The following ZC3H13 variants were observed in gnomAD, a reference collection of about 807,000 sequenced individuals.
The protein encoded by ZC3H13 is zinc finger CCCH domain-containing protein 13.
Under a neutral mutation model 204.1 loss-of-function variants are expected in ZC3H13, and 64 were observed. The observed-to-expected ratio is 0.31, with a 90% CI of 0.26 to 0.39. The LOEUF (loss-of-function observed/expected upper bound fraction) is 0.39, where lower values mean the gene tolerates loss of function less well. ZC3H13 is among the 10% of genes least tolerant of loss of function. The pLI, the probability that ZC3H13 is intolerant of heterozygous loss-of-function variation, is 1.00. For synonymous variants in ZC3H13, 667 were observed against 693.7 expected, an observed-to-expected ratio of 0.96 and a Z score of 0.60; for missense variants, 1,833 against 2,082.7, an observed-to-expected ratio of 0.88 and a Z score of 2.33.
At position 46,052,465 on chromosome 13, in the gene ZC3H13, G is replaced by A. The variant is rs2044545865; in HGVS notation, c.-71C>T. On this transcript the variant is annotated 5_prime_UTR_variant, in exon 1 of 19. Coordinates refer to ENST00000679008, the MANE Select transcript of ZC3H13 (RefSeq NM_001330564.2). ...GGCACCACCGCCGCCGCCGCTCCGA[G>A]GAGCGGGGGAGGCGACTCTGTCCCC... is the stretch of plus-strand genomic sequence containing the variant. 2.5e-6 allele frequency: 1 copy of A among 398,352 alleles called. No homozygotes were observed. The highest frequency in any genetic ancestry group is 4.4e-6 in the Non-Finnish European group (1 of 226,036). 24.7% of individuals were successfully genotyped at this position (398,352 alleles called of 1,614,324 possible). A position where few individuals can be genotyped will look rare whatever the true frequency, so the allele number is the denominator to read the frequency against.
chr13:46,042,937 T>C (rs1466630115), intron 3 of ZC3H13, among the ~76,000 whole-genome samples: 1 of 152,024 alleles, frequency 6.6e-6, no homozygotes, highest in Non-Finnish European at 1.5e-5. Context: ...TATTCTGCTG[T>C]AAATTTTTTA....
intron 5 of ZC3H13, among the ~76,000 whole-genome samples, chr13:46,014,047 T>C (rs984378014): frequency 1.3e-5 from 2 of 152,188 alleles, no homozygotes; most frequent in African/African-American, 4.8e-5. Context: ...AAGGACATAC[T>C]CATTCTCTGG....
intron 4 of ZC3H13, 95 bp downstream of exon 4, chr13:46,042,069 A>G: frequency 1.0e-6 from 1 of 961,064 alleles, no homozygotes; most frequent in Non-Finnish European, 1.6e-6. Flanking sequence ...CGTATTACAC[A>G]TTTACCATAT....
chr13:46,042,771 C>G (rs966362558), intron 3 of ZC3H13, among the ~76,000 whole-genome samples: 3 of 151,842 alleles, frequency 2.0e-5, no homozygotes, highest in African/African-American at 7.3e-5. Flanking sequence ...ATACACATGC[C>G]TGTGGTTGGA....
At chr13:46,050,311 G>T (rs1566380096) in intron 1 of ZC3H13, among the ~76,000 whole-genome samples, 1 of 151,928 alleles carries the variant, frequency 6.6e-6, no homozygotes, top group East Asian at 1.9e-4. Context: ...GTCTCTTTTT[G>T]AATAATGACT....
intron 4 of ZC3H13, among the ~76,000 whole-genome samples, chr13:46,032,146 C>T (rs2042936168): frequency 6.6e-6 from 1 of 152,152 alleles, no homozygotes; most frequent in South Asian, 2.1e-4. Context: ...TGGTGTGAGA[C>T]ACTGATAGTG....
chr13:45,954,528 A>G lies in ZC3H13; in HGVS notation c.*2599T>C, dbSNP rs374569540. 6.6e-6 allele frequency: 1 copy of G among 152,246 alleles called. No individual in the cohort carries two copies. The highest frequency in any genetic ancestry group is 2.4e-5 in the African/African-American group (1 of 41,470). 9.4% of individuals were successfully genotyped at this position (152,246 alleles called of 1,614,324 possible). ...AAAATGATAAAATAAGGCAAGTCCT[A>G]GATCAGATTTAAATACAATATTTAG... On this transcript the variant is annotated 3_prime_UTR_variant, in exon 19 of 19. Coordinates refer to ENST00000679008, the MANE Select transcript of ZC3H13 (RefSeq NM_001330564.2).
At chr13:45,996,031 G>A (rs1193198085) in intron 8 of ZC3H13, among the ~76,000 whole-genome samples, 5 of 152,158 alleles carry the variant, frequency 3.3e-5, no homozygotes, top group Non-Finnish European at 5.9e-5. Flanking sequence ...GAATCATACT[G>A]AAACCAAAAT....
intron 17 of ZC3H13, chr13:45,962,495 A>T (rs1951761375): frequency 2.0e-6 from 2 of 983,690 alleles, no homozygotes; most frequent in Non-Finnish European, 2.4e-6. Flanking sequence ...CACAGGAGTT[A>T]TTTGCTTAAG....
chr13:46,019,186 G>A (rs1166728106), intron 5 of ZC3H13, among the ~76,000 whole-genome samples: 1 of 152,134 alleles, frequency 6.6e-6, no homozygotes. Flanking sequence ...CTTTACAACT[G>A]TTAGTCTATT....
chr13:46,027,647 T>A (rs2042621115), intron 4 of ZC3H13, among the ~76,000 whole-genome samples: 2 of 152,012 alleles, frequency 1.3e-5, no homozygotes, highest in South Asian at 4.1e-4. Flanking sequence ...GAGCAGAAAA[T>A]CTAAATGCAT....
In ZC3H13 at chr13:45,969,079, G is replaced by A. The variant is rs768778849; in HGVS notation, c.3465C>T (p.Asp1155=). The A allele has an allele frequency of 6.2e-7, 1 of 1,614,184 alleles. No individual in the cohort carries two copies. Among genetic ancestry groups the A allele is most frequent in the Non-Finnish European group, 8.5e-7 (1 of 1,180,026 alleles). ...NTTNNTFANE[D]SHRKCHRTRV... ...GTGTTCTGTGGCATTTTCTGTGTGA[G>A]TCTTCATTGGCAAAAGTATTATTGG... Residue 1155 remains aspartate, a synonymous_variant, in exon 14 of 19, where the codon GAC becomes GAT. Transcript: ENST00000679008.
rs189178713 is a variant in ZC3H13 at position 46,050,028 on chromosome 13, T to C, written c.-10+2376A>G. The stretch of plus-strand genomic sequence containing the variant: ...AGCATTATCAAAGACAGAGTGGCAC[T>C]AGTGAAAGCCTATTTCGTTATTTTC... On this transcript the variant is annotated intron_variant, in intron 1 of 18. Transcript: ENST00000679008. Among the ~76,000 whole-genome samples the C allele has an allele frequency of 1.6e-3, 251 of 152,270 alleles. 4 individuals are homozygous for C. The highest frequency in any genetic ancestry group is 0.014 in the Admixed American group (209 of 15,304).
At chr13:46,038,910 T>A (rs982199661) in intron 4 of ZC3H13, among the ~76,000 whole-genome samples, 12 of 152,176 alleles carry the variant, frequency 7.9e-5, no homozygotes, top group African/African-American at 2.9e-4. Context: ...TAATCTCAGC[T>A]ACTTGGGAGG....
chr13:46,008,971 A>G (rs1029760824), intron 7 of ZC3H13, among the ~76,000 whole-genome samples: 1 of 152,178 alleles, frequency 6.6e-6, no homozygotes, highest in Non-Finnish European at 1.5e-5. Context: ...ATGAGAAGAC[A>G]GAACTATGAA....
In ZC3H13 at chr13:45,985,608, A is replaced by G; in HGVS notation, c.1409T>C (p.Leu470Pro). The part of the protein sequence containing the change: ...DARDTRDRRE[L>P]RDSRDMRDSR... ...GTCCCGCATGTCTCTGGAGTCTCTT[A>G]GTTCCCTTCGGTCCCTAGTATCTCT... Residue 470 changes from leucine to proline, a missense_variant, in exon 10 of 19, where the codon CTA becomes CCA. Coordinates refer to ENST00000679008, the MANE Select transcript of ZC3H13 (RefSeq NM_001330564.2). 1 of 1,613,336 alleles carries G rather than the reference A, an allele frequency of 6.2e-7. No homozygotes were observed. The highest frequency in any genetic ancestry group is 2.2e-5 in the East Asian group (1 of 44,842).
Position 45,975,827 on chromosome 13 carries a change from T to C in ZC3H13, c.1924A>G (p.Ser642Gly). 1 of 1,611,130 alleles carries C rather than the reference T, an allele frequency of 6.2e-7. No individual in the cohort carries two copies. The highest frequency in any genetic ancestry group is 1.3e-5 in the African/African-American group (1 of 74,958). Reference protein sequence around the residue: ...RDNRERDQRPSSPIRHQGRND... With the variant: ...RDNRERDQRPGSPIRHQGRND... ...CTTCCCTGATGTCGAATTGGTGAGC[T>C]TGGTCTTTGATCTACAATGAAAATC... The change falls in exon 12 of 19, where the codon AGC (serine) becomes GGC (glycine). Residue 642 changes from serine (S) to glycine (G), a missense_variant. By Grantham distance (56) the Ser-to-Gly change is moderately conservative. This residue lies in a region of ZC3H13 where 1,574 missense variants were observed against 1,757.2 expected (regional missense o/e 0.90). Transcript: ENST00000679008.
chr13:45,970,300 G>C (rs980822853), intron 13 of ZC3H13, 62 bp downstream of exon 13: 19 of 1,542,142 alleles, frequency 1.2e-5, no homozygotes, highest in Non-Finnish European at 1.7e-5. Flanking sequence ...TAGTATGAAA[G>C]GATGGTTTCA....
At position 45,975,486 on chromosome 13, in the gene ZC3H13, C is replaced by T. The variant is rs754462288; in HGVS notation, c.2265G>A (p.Glu755=). The T allele has an allele frequency of 6.2e-7, 1 of 1,613,104 alleles. No individual in the cohort carries two copies. Among genetic ancestry groups the T allele is most frequent in the Non-Finnish European group, 8.5e-7 (1 of 1,179,688 alleles). ...REKERERERE[E]RERERERERE... is the part of the protein sequence containing the mutation. Reference sequence around the variant, plus strand: ...GTTCTCGCTCTCTCTCCCTCTCTCTCTCTTCTCTTTCTCGTTCCCGTTCTT... The same window carrying T: ...GTTCTCGCTCTCTCTCCCTCTCTCTTTCTTCTCTTTCTCGTTCCCGTTCTT... The change falls in exon 12 of 19, where the codon GAG becomes GAA. Residue 755 remains glutamate (E), a synonymous_variant. Transcript: ENST00000679008.
Sources: allele counts gnomAD v4.1 joint callset (sites outside exome capture counted in the v4.1 genomes callset), GRCh38; gene constraint gnomAD v4.1.1; regional missense constraint gnomAD v4.1.1; transcripts MANE v1.5; gene names NCBI Gene and HGNC (gene_info 2026-07-23, HGNC 2026-07-21).